DSE: variants seen among roughly 807,000 people sequenced by gnomAD.
The protein encoded by DSE is dermatan sulfate epimerase, also known as dermatan-sulfate epimerase.
In DSE, 36 loss-of-function variants were observed where a neutral mutation model predicts 84.4. The ratio of observed to expected loss-of-function variants is 0.43; its 90% CI spans 0.33 to 0.56. The LOEUF is 0.56. Among genes scored for constraint, DSE ranks in the 20% least tolerant of loss-of-function variants. The pLI is 0.06. For synonymous variants in DSE, 410 were observed against 430.1 expected, an observed-to-expected ratio of 0.95 and a Z score of 0.58; for missense variants, 862 against 1,169.6, an observed-to-expected ratio of 0.74 and a Z score of 3.84.
rs1050365643 is a variant in DSE, at chr6:116,441,749, A to G, written c.*4404A>G. On this transcript the variant is annotated 3_prime_UTR_variant, in exon 6 of 6. Coordinates refer to ENST00000644252, the MANE Select transcript of DSE (RefSeq NM_013352.4). ...TTTAGGAAGGAACTGAAGGAAATTT[A>G]TATATTGAGTGCAGTATGTTTAAAT... 1.3e-5 allele frequency: 2 copies of G among 152,202 alleles called. No individual in the cohort carries two copies. The highest frequency in any genetic ancestry group is 2.9e-5 in the Non-Finnish European group (2 of 68,042). 9.4% of individuals were successfully genotyped at this position (152,202 alleles called of 1,614,324 possible).
chr6:116,382,374 G>A (rs1038289591), intron 1 of DSE, among the ~76,000 whole-genome samples: 4 of 152,124 alleles, frequency 2.6e-5, no homozygotes, highest in Non-Finnish European at 5.9e-5. Context: ...TGAACTTGTT[G>A]TCTCTTCTGT....
At chr6:116,428,049 C>A (rs1012821046) in intron 3 of DSE, among the ~76,000 whole-genome samples, 1 of 152,074 alleles carries the variant, frequency 6.6e-6, no homozygotes, top group Admixed American at 6.6e-5. Context: ...ATTAGCTGGG[C>A]GTTGTGGCGT....
chr6:116,353,243 G>A (rs901763661), intron 2 of DSE, among the ~76,000 whole-genome samples: 1 of 152,180 alleles, frequency 6.6e-6, no homozygotes, highest in African/African-American at 2.4e-5. Context: ...TCTGGTTCAT[G>A]AGAAGGAACT....
intron 2 of DSE, among the ~76,000 whole-genome samples, chr6:116,360,876 T>C (rs1490540088): frequency 6.6e-6 from 1 of 152,192 alleles, no homozygotes; most frequent in Non-Finnish European, 1.5e-5. Context: ...CTAATATTTG[T>C]GCTGACTGCA....
intron 2 of DSE, among the ~76,000 whole-genome samples, chr6:116,309,178 G>A (rs1367405323): frequency 6.6e-6 from 1 of 152,130 alleles, no homozygotes; most frequent in Non-Finnish European, 1.5e-5. Context: ...TGTGCTAGAT[G>A]ACACATAGCA....
intron 1 of DSE, 88 bp downstream of exon 1, chr6:116,371,209 C>G: frequency 1.0e-6 from 1 of 984,730 alleles, no homozygotes; most frequent in Non-Finnish European, 1.2e-6. Context: ...CGGGGCTGTC[C>G]CGGCGCGGGC....
At chr6:116,432,486 T>C (rs1783903489) in intron 4 of DSE, 1 of 152,170 alleles carries the variant, frequency 6.6e-6, no homozygotes, top group Admixed American at 6.5e-5. Flanking sequence ...TAAAATAAGG[T>C]ATACTTACAA....
At chr6:116,429,392 T>C (rs997322404) in intron 3 of DSE, among the ~76,000 whole-genome samples, 7 of 152,156 alleles carry the variant, frequency 4.6e-5, no homozygotes, top group Non-Finnish European at 7.3e-5. Context: ...GTGGTCAACA[T>C]GTTTGTGGAA....
chr6:116,316,999 T>C (rs890038220), intron 2 of DSE, among the ~76,000 whole-genome samples: 1 of 151,988 alleles, frequency 6.6e-6, no homozygotes, highest in African/African-American at 2.4e-5. Context: ...TAGGGTAAAT[T>C]CCTGTGAGAA....
At chr6:116,321,752 T>G (rs1583014445) in intron 2 of DSE, among the ~76,000 whole-genome samples, 1 of 151,972 alleles carries the variant, frequency 6.6e-6, no homozygotes, top group East Asian at 1.9e-4. Flanking sequence ...CCAGCCCGGG[T>G]GGACAGTGTG....
At chr6:116,264,218 T>C (rs1260037966) in intron 2 of DSE, among the ~76,000 whole-genome samples, 6 of 152,242 alleles carry the variant, frequency 3.9e-5, no homozygotes, top group Non-Finnish European at 7.3e-5. Flanking sequence ...CTCATCTCTT[T>C]AAGGGACACC....
intron 2 of DSE, among the ~76,000 whole-genome samples, chr6:116,402,388 A>C (rs1319022907): frequency 6.6e-6 from 1 of 152,174 alleles, no homozygotes; most frequent in African/African-American, 2.4e-5. Flanking sequence ...TTAACTTTCC[A>C]GATTAATTTT....
At chr6:116,293,891 A>G (rs555929781) in intron 2 of DSE, among the ~76,000 whole-genome samples, 1 of 152,232 alleles carries the variant, frequency 6.6e-6, no homozygotes, top group African/African-American at 2.4e-5. Flanking sequence ...AAAAAGAAAT[A>G]AAAAGAGCTA....
chr6:116,276,930 G>T (rs1582923688), intron 2 of DSE: 1 of 152,168 alleles, frequency 6.6e-6, no homozygotes, highest in Non-Finnish European at 1.5e-5. Flanking sequence ...ATTTTTCCAT[G>T]AAGGCAATTT....
chr6:116,280,979 C>G (rs1773493683), intron 2 of DSE, among the ~76,000 whole-genome samples: 1 of 152,148 alleles, frequency 6.6e-6, no homozygotes, highest in African/African-American at 2.4e-5. Flanking sequence ...ATGTACCTGT[C>G]TTAGTTATGC....
At chr6:116,276,022 C>G (rs1431586910) in intron 2 of DSE, among the ~76,000 whole-genome samples, 2 of 152,204 alleles carry the variant, frequency 1.3e-5, no homozygotes, top group Non-Finnish European at 2.9e-5. Context: ...TATCTTCTTA[C>G]TCTTTTTCTC....
At chr6:116,293,068 C>T (rs1409420493) in intron 2 of DSE, among the ~76,000 whole-genome samples, 1 of 152,018 alleles carries the variant, frequency 6.6e-6, no homozygotes, top group Non-Finnish European at 1.5e-5. Context: ...AAATATTTTT[C>T]AGACAAACAT....
At chr6:116,378,488 T>TTAAA in intron 1 of DSE, among the ~76,000 whole-genome samples, 1 of 152,324 alleles carries the variant, frequency 6.6e-6, no homozygotes. Flanking sequence ...TATTGACTGG[T>TTAAA]TAAATATTGA....
intron 2 of DSE, among the ~76,000 whole-genome samples, chr6:116,409,362 C>T (rs1168431468): frequency 3.3e-5 from 5 of 152,184 alleles, no homozygotes; most frequent in East Asian, 3.9e-4. Flanking sequence ...CTGCAAGCTC[C>T]GCCTCCTGGG....
Sources: gnomAD v4.1 joint callset for allele counts (sites outside exome capture counted in the v4.1 genomes callset) on GRCh38, gnomAD v4.1.1 for gene constraint, MANE v1.5 for transcripts, NCBI Gene and HGNC (gene_info 2026-07-23, HGNC 2026-07-21) for gene names.